TINAG: variants seen among roughly 807,000 people sequenced by gnomAD.
The protein encoded by TINAG is tubulointerstitial nephritis antigen.
TINAG carries 83 observed loss-of-function variants against 72.7 expected under a neutral mutation model. That is an observed-to-expected ratio of 1.14 (90% CI 0.96 to 1.37). The LOEUF (loss-of-function observed/expected upper bound fraction) is 1.37, where lower values mean the gene tolerates loss of function less well. Ranked by LOEUF, TINAG falls within the 40% of genes most tolerant of loss-of-function variation. The pLI, the probability that TINAG is intolerant of heterozygous loss-of-function variation, is 0.00. For synonymous variants in TINAG, 234 were observed against 189.9 expected, an observed-to-expected ratio of 1.23 and a Z score of -1.91; for missense variants, 685 against 576.6, an observed-to-expected ratio of 1.19 and a Z score of -1.93.
intron 1 of TINAG, among the ~76,000 whole-genome samples, chr6:54,318,981 T>A (rs1382866530): frequency 1.3e-5 from 2 of 152,098 alleles, no homozygotes; most frequent in Non-Finnish European, 2.9e-5. Flanking sequence ...TTAAATTTAG[T>A]GTTGATGATT....
At chr6:54,311,116 G>C (rs1325432428) in intron 1 of TINAG, among the ~76,000 whole-genome samples, 3 of 151,878 alleles carry the variant, frequency 2.0e-5, no homozygotes, top group African/African-American at 7.3e-5. Flanking sequence ...TGTTTTGTGT[G>C]CTTGAATTAT....
chr6:54,353,661 A>T (rs1212388495), intron 8 of TINAG, among the ~76,000 whole-genome samples: 1 of 151,830 alleles, frequency 6.6e-6, no homozygotes, highest in African/African-American at 2.4e-5. Flanking sequence ...AAAAACTGGA[A>T]CATTGAAAAG....
intron 9 of TINAG, among the ~76,000 whole-genome samples, chr6:54,356,625 T>A (rs1763049003): frequency 6.6e-6 from 1 of 151,914 alleles, no homozygotes. Context: ...TTGCTCTCTC[T>A]CTCTCTGTTA....
rs994857089 is a variant in TINAG, at chr6:54,384,705, CA to C, written c.1296+4141del. Among the ~76,000 whole-genome samples, 167 of 151,228 alleles carry C rather than the reference CA, an allele frequency of 1.1e-3. 1 individual carries two copies. The highest frequency in any genetic ancestry group is 3.7e-3 in the African/African-American group (153 of 41,288). On this transcript the variant is annotated intron_variant, in intron 10 of 10. Coordinates refer to ENST00000259782, the MANE Select transcript of TINAG (RefSeq NM_014464.4). ...GACAAAAGCTGAAATAACACAATTC[CA>C]AAAAAACATACACCAAAAGTTACAG...
intron 9 of TINAG, among the ~76,000 whole-genome samples, chr6:54,375,843 T>C (rs531660047): frequency 2.6e-5 from 4 of 152,316 alleles, no homozygotes; most frequent in African/African-American, 7.2e-5. Context: ...CTATACCCGA[T>C]GCTAACACCA....
At chr6:54,373,704 A>G (rs917496897) in intron 9 of TINAG, among the ~76,000 whole-genome samples, 1 of 152,116 alleles carries the variant, frequency 6.6e-6, no homozygotes, top group African/African-American at 2.4e-5. Flanking sequence ...ATAAAATTTT[A>G]TTAACAAAAA....
intron 3 of TINAG, among the ~76,000 whole-genome samples, chr6:54,323,290 A>G (rs116430971): frequency 0.026 from 3,898 of 152,324 alleles, 160 homozygotes; most frequent in African/African-American, 0.087. Flanking sequence ...GGAGCAAGCT[A>G]TAAAGACAAG....
chr6:54,375,673 G>T (rs895169048), intron 9 of TINAG, among the ~76,000 whole-genome samples: 1 of 152,014 alleles, frequency 6.6e-6, no homozygotes, highest in Admixed American at 6.6e-5. Flanking sequence ...TCTATTTAGG[G>T]TCAACTGTGT....
intron 10 of TINAG, among the ~76,000 whole-genome samples, chr6:54,384,759 A>G (rs1764048545): frequency 6.6e-6 from 1 of 152,190 alleles, no homozygotes; most frequent in South Asian, 2.1e-4. Flanking sequence ...ATTTAAACAT[A>G]TCTCAGTATC....
intron 3 of TINAG, among the ~76,000 whole-genome samples, chr6:54,325,971 A>G (rs1398224975): frequency 1.3e-5 from 2 of 152,164 alleles, no homozygotes; most frequent in Non-Finnish European, 2.9e-5. Flanking sequence ...GGTGATAAAC[A>G]TAGCAGGACA....
intron 9 of TINAG, among the ~76,000 whole-genome samples, chr6:54,363,618 T>TC: frequency 1.2e-5 from 1 of 84,802 alleles, no homozygotes; most frequent in East Asian, 3.6e-4. Context: ...CCAACGGGTA[T>TC]CAAAAAAAAA....
chr6:54,349,993 A>G, intron 7 of TINAG, 97 bp downstream of exon 7: 3 of 712,306 alleles, frequency 4.2e-6, no homozygotes, highest in Non-Finnish European at 5.8e-6. Flanking sequence ...TAAAACTATT[A>G]TATTCTAAAA....
At chr6:54,330,671 G>A (rs869284972) in intron 4 of TINAG, among the ~76,000 whole-genome samples, 5 of 152,082 alleles carry the variant, frequency 3.3e-5, no homozygotes, top group African/African-American at 7.2e-5. Flanking sequence ...GCAGGAGCTG[G>A]TTTTTTGAAA....
At chr6:54,310,992 C>A (rs1013218013) in intron 1 of TINAG, among the ~76,000 whole-genome samples, 2 of 150,172 alleles carry the variant, frequency 1.3e-5, no homozygotes, top group African/African-American at 4.9e-5. Context: ...TCTCCCTCTC[C>A]CTTTCCTTTC....
chr6:54,332,004 G>A (rs1214551395), intron 4 of TINAG, among the ~76,000 whole-genome samples: 1 of 152,156 alleles, frequency 6.6e-6, no homozygotes, highest in Non-Finnish European at 1.5e-5. Context: ...TATGCTCATG[G>A]ATAGGAAGAA....
At chr6:54,328,765 G>C (rs991386067) in intron 4 of TINAG, among the ~76,000 whole-genome samples, 3 of 151,890 alleles carry the variant, frequency 2.0e-5, no homozygotes, top group Non-Finnish European at 4.4e-5. Context: ...AACCAGTTGA[G>C]AGAAGAACAT....
At chr6:54,352,006 T>A (rs1750999975) in intron 8 of TINAG, among the ~76,000 whole-genome samples, 1 of 151,916 alleles carries the variant, frequency 6.6e-6, no homozygotes, top group African/African-American at 2.4e-5. Context: ...TCTCTTATGA[T>A]AATTTATTCT....
intron 10 of TINAG, among the ~76,000 whole-genome samples, chr6:54,388,607 T>C (rs1381106992): frequency 1.3e-5 from 2 of 152,108 alleles, no homozygotes; most frequent in Admixed American, 6.6e-5. Flanking sequence ...GAGGTGAAGC[T>C]GCTAATTTAT....
intron 4 of TINAG, among the ~76,000 whole-genome samples, chr6:54,338,598 T>C (rs9474811): frequency 0.27 from 41,352 of 151,148 alleles, 6,225 homozygotes; most frequent in African/African-American, 0.39. Flanking sequence ...GTGGCACGTG[T>C]CTGTAGTCCC....
Sources: gnomAD v4.1 joint callset for allele counts (sites outside exome capture counted in the v4.1 genomes callset) on GRCh38, gnomAD v4.1.1 for gene constraint, MANE v1.5 for transcripts, NCBI Gene and HGNC (gene_info 2026-07-23, HGNC 2026-07-21) for gene names.